Variants in BSN observed in about 807,000 individuals in gnomAD.
The protein encoded by BSN is bassoon presynaptic cytomatrix protein.
In BSN, 57 loss-of-function variants were observed where a neutral mutation model predicts 264.8. That is an observed-to-expected ratio of 0.22 (90% CI 0.17 to 0.27). BSN has a LOEUF of 0.27. Ranked by LOEUF, BSN falls within the 10% of genes least tolerant of loss-of-function variation. BSN has a pLI of 1.00. For synonymous variants in BSN, 2,059 were observed against 2,137.3 expected, an observed-to-expected ratio of 0.96 and a Z score of 1.01; for missense variants, 4,615 against 5,232.5, an observed-to-expected ratio of 0.88 and a Z score of 3.64.
chr3:49,672,727 C>T (rs201715233), downstream of BSN, among the ~76,000 whole-genome samples: 43 of 151,532 alleles, frequency 2.8e-4, no homozygotes, highest in East Asian at 8.2e-3. Flanking sequence ...GTGATCCACC[C>T]GCCTCAGCCT....
chr3:49,658,105 T>A lies in BSN; in HGVS notation c.8549T>A (p.Leu2850Gln). 2 of 1,613,038 alleles carry A rather than the reference T, an allele frequency of 1.2e-6. No homozygotes were observed. The highest frequency in any genetic ancestry group is 2.2e-5 in the South Asian group (2 of 91,058). The change falls in exon 5 of 12, where the codon CTG (leucine) becomes CAG (glutamine). Residue 2850 changes from leucine (L) to glutamine (Q), a missense_variant. Leu to Gln is a moderately radical substitution (Grantham distance 113, BLOSUM62 -2). Transcript: ENST00000296452. ...PRPMKTLQRS[L>Q]SDPKPLSPTA... The stretch of plus-strand genomic sequence containing the variant: ...CCCATGAAGACCCTGCAGCGGTCCC[T>A]GTCTGACCCTAAGCCCCTCAGCCCC...
At chr3:49,565,117 CT>C (rs1299417628) in intron 1 of BSN, among the ~76,000 whole-genome samples, 64 of 130,402 alleles carry the variant, frequency 4.9e-4, no homozygotes, top group Middle Eastern at 7.9e-3. Context: ...TATTCCTCCA[CT>C]TTTTTTTTTT....
intron 1 of BSN, among the ~76,000 whole-genome samples, chr3:49,614,679 G>A (rs1227951899): frequency 6.6e-6 from 1 of 152,160 alleles, no homozygotes; most frequent in Non-Finnish European, 1.5e-5. Context: ...TTAATTGATG[G>A]TGACAATCTT....
intron 2 of BSN, among the ~76,000 whole-genome samples, chr3:49,639,647 C>A (rs1159953644): frequency 3.3e-5 from 5 of 152,184 alleles, no homozygotes; most frequent in South Asian, 4.1e-4. Flanking sequence ...GCAGTGCTGA[C>A]TTCTAGAGCC....
In BSN at chr3:49,625,522, T is replaced by A. The variant is rs1010977200; in HGVS notation, c.633+139T>A. ...CAGCATTTGTGTCCTCCTGCAGGGA[T>A]GTGTCCTGGTTCCAGGATGTGGCAG... is the stretch of plus-strand genomic sequence containing the variant. On this transcript the variant is annotated intron_variant, in intron 2 of 11. Transcript: ENST00000296452. The surrounding 1 kb of genome is among the most constrained non-coding windows in gnomAD (Gnocchi z 4.4). 1 of 866,348 alleles carries A rather than the reference T, an allele frequency of 1.2e-6. No individual in the cohort carries two copies. Among genetic ancestry groups the A allele is most frequent in the African/African-American group, 1.8e-5 (1 of 56,688 alleles). 53.7% of individuals were successfully genotyped at this position (866,348 alleles called of 1,614,324 possible). A position where few individuals can be genotyped will look rare whatever the true frequency, so the allele number is the denominator to read the frequency against.
chr3:49,663,847 G>A lies in BSN; in HGVS notation c.11569G>A (p.Ala3857Thr), dbSNP rs766200614. The change falls in exon 8 of 12, where the codon GCT becomes ACT. Residue 3857 changes from alanine to threonine, a missense_variant. Around this residue, in one of 3 missense-constraint regions of BSN, gnomAD observed 3,415 missense variants for 3,866.4 expected, o/e 0.88. Coordinates refer to ENST00000296452, the MANE Select transcript of BSN (RefSeq NM_003458.4). ...AGCCAAAGCACCGCAACAGGGGAGG[G>A]CTCCTCAGGCCCAGCCAGCACCAGG... ...GTAKAPQQGR[A>T]PQAQPAPGPG... 1 of 1,614,054 alleles carries A rather than the reference G, an allele frequency of 6.2e-7. No homozygotes were observed. Among genetic ancestry groups the A allele is most frequent in the Non-Finnish European group, 8.5e-7 (1 of 1,180,020 alleles).
intron 1 of BSN, among the ~76,000 whole-genome samples, chr3:49,561,550 T>A (rs149208310): frequency 2.0e-4 from 30 of 152,196 alleles, no homozygotes; most frequent in East Asian, 7.7e-4. Flanking sequence ...AAAATTTTTT[T>A]AATTAATTAT....
At chr3:49,613,528 T>A (rs904423311) in intron 1 of BSN, among the ~76,000 whole-genome samples, 3 of 151,832 alleles carry the variant, frequency 2.0e-5, no homozygotes, top group African/African-American at 2.4e-5. Context: ...GAGTTTTTGC[T>A]CTGTTGCCCA....
chr3:49,559,188 A>G (rs2051695679), intron 1 of BSN, among the ~76,000 whole-genome samples: 1 of 152,146 alleles, frequency 6.6e-6, no homozygotes, highest in Non-Finnish European at 1.5e-5. Flanking sequence ...CAGCCTCCCA[A>G]AGTGCTGGGA....
intron 1 of BSN, among the ~76,000 whole-genome samples, chr3:49,619,263 T>G (rs2052284605): frequency 6.6e-6 from 1 of 152,244 alleles, no homozygotes. Flanking sequence ...TGCATGTGCT[T>G]ACTGAGTGTC....
rs1210159782 is a variant in BSN, at chr3:49,554,531, G to C, written c.-72G>C. 5.8e-6 allele frequency: 3 copies of C among 513,848 alleles called. No homozygotes were observed. The highest frequency in any genetic ancestry group is 7.9e-5 in the South Asian group (1 of 12,630). 31.8% of individuals were successfully genotyped at this position (513,848 alleles called of 1,614,324 possible). ...GGCGGCGGCAGCGGCGGCGCCGAGA[G>C]TGTGAGCACCGCCCGGGAGCCGCCG... On this transcript the variant is annotated 5_prime_UTR_variant, in exon 1 of 12. Coordinates refer to ENST00000296452, the MANE Select transcript of BSN (RefSeq NM_003458.4).
intron 2 of BSN, among the ~76,000 whole-genome samples, chr3:49,633,216 C>T (rs1575442998): frequency 6.6e-6 from 1 of 151,234 alleles, no homozygotes; most frequent in South Asian, 2.1e-4. Context: ...GCAGGAGAAT[C>T]GCTTGAACCT....
chr3:49,588,393 A>G (rs2051951977), intron 1 of BSN, among the ~76,000 whole-genome samples: 2 of 152,122 alleles, frequency 1.3e-5, no homozygotes, highest in Admixed American at 1.3e-4. Context: ...CCCGTTCAGT[A>G]TGACACTAGC....
intron 1 of BSN, among the ~76,000 whole-genome samples, chr3:49,572,699 A>G (rs1014012917): frequency 3.3e-5 from 5 of 152,022 alleles, no homozygotes; most frequent in Admixed American, 2.0e-4. Context: ...ACGCCCGGCT[A>G]ATTTTTTGTA....
At position 49,661,750 on chromosome 3, in the gene BSN, G is replaced by C; in HGVS notation, c.9905G>C (p.Gly3302Ala). The C allele has an allele frequency of 6.2e-7, 1 of 1,613,436 alleles. No homozygotes were observed. Among genetic ancestry groups the C allele is most frequent in the Non-Finnish European group, 8.5e-7 (1 of 1,180,038 alleles). The part of the protein sequence containing the change: ...EEDSYDPRGK[G>A]GHLRSMESNG... ...GACTCATACGATCCCCGCGGGAAGG[G>C]TGGCCACCTCCGGAGCATGGAGAGC... Residue 3302 changes from glycine to alanine, a missense_variant, in exon 6 of 12, where the codon GGT (glycine) becomes GCT (alanine). Around this residue, in one of 3 missense-constraint regions of BSN, gnomAD observed 3,415 missense variants for 3,866.4 expected, o/e 0.88. Coordinates refer to ENST00000296452, the MANE Select transcript of BSN (RefSeq NM_003458.4).
chr3:49,596,434 GT>G (rs1354509070), intron 1 of BSN, among the ~76,000 whole-genome samples: 1 of 152,096 alleles, frequency 6.6e-6, no homozygotes, highest in Non-Finnish European at 1.5e-5. Context: ...GGTGGCTATA[GT>G]TTTTTTGTAT....
chr3:49,663,377 A>G lies in BSN; in HGVS notation c.11219A>G (p.Glu3740Gly), dbSNP rs2052682282. 2.5e-6 allele frequency: 4 copies of G among 1,613,270 alleles called. No homozygotes were observed. The highest frequency in any genetic ancestry group is 3.4e-6 in the Non-Finnish European group (4 of 1,179,988). The change falls in exon 7 of 12, where the codon GAA becomes GGA. Residue 3740 changes from glutamate to glycine, a missense_variant. Glu to Gly is a moderately conservative substitution (Grantham distance 98). This residue lies in a region of BSN where 3,415 missense variants were observed against 3,866.4 expected (regional missense o/e 0.88). Coordinates refer to ENST00000296452, the MANE Select transcript of BSN (RefSeq NM_003458.4). ...CCCGCTGCACTGCAGTCAAAGGCAG[A>G]ACCCCAGGCGCAGCCGCAGCTGCAA... ...SGPAALQSKA[E>G]PQAQPQLQGR... is the part of the protein sequence containing the mutation.
chr3:49,627,566 C>T, intron 2 of BSN, among the ~76,000 whole-genome samples: 1 of 152,198 alleles, frequency 6.6e-6, no homozygotes, highest in Non-Finnish European at 1.5e-5. Context: ...AGGCTTTGCT[C>T]ACACACCTGC....
intron 3 of BSN, among the ~76,000 whole-genome samples, chr3:49,643,667 T>G (rs1394215662): frequency 6.6e-6 from 1 of 152,184 alleles, no homozygotes; most frequent in African/African-American, 2.4e-5. Flanking sequence ...TATTCAACCT[T>G]GATTGTCTCT....
Sources: gnomAD v4.1 joint callset for allele counts (sites outside exome capture counted in the v4.1 genomes callset) on GRCh38, gnomAD v4.1.1 for gene constraint, gnomAD v4.1.1 regional missense constraint, Gnocchi (gnomAD v3.1) non-coding constraint, MANE v1.5 for transcripts, NCBI Gene and HGNC (gene_info 2026-07-23, HGNC 2026-07-21) for gene names.